The following WASF3 variants were observed in gnomAD, a reference collection of about 807,000 sequenced individuals.
WASF3 encodes the protein WASP family member 3, also known as actin-binding protein WASF3.
WASF3 carries 11 observed loss-of-function variants against 46.6 expected under a neutral mutation model. That is an observed-to-expected ratio of 0.24 (90% CI 0.15 to 0.39). WASF3 has a LOEUF of 0.39. Among genes scored for constraint, WASF3 ranks in the 10% least tolerant of loss-of-function variants. WASF3 has a pLI of 1.00. For synonymous variants in WASF3, 242 were observed against 259.7 expected, an observed-to-expected ratio of 0.93 and a Z score of 0.65; for missense variants, 576 against 669.8, an observed-to-expected ratio of 0.86 and a Z score of 1.55.
At chr13:26,546,248 G>A in the WASF3 span, among the ~76,000 whole-genome samples, 1 of 152,150 alleles carries the variant, frequency 6.6e-6, no homozygotes, top group Non-Finnish European at 1.5e-5. Flanking sequence ...AAGCAAAAAC[G>A]CTTGAAGCAA....
intron 2 of WASF3, among the ~76,000 whole-genome samples, chr13:26,627,269 CT>C (rs56996940): frequency 0.47 from 70,198 of 150,270 alleles, 17,121 homozygotes; most frequent in South Asian, 0.56. Flanking sequence ...TTATACTATA[CT>C]TTTTTTTTTA....
intron 1 of WASF3, among the ~76,000 whole-genome samples, chr13:26,608,766 T>C (rs768010896): frequency 6.6e-5 from 10 of 152,228 alleles, no homozygotes; most frequent in African/African-American, 2.4e-4. Flanking sequence ...TGTCTTGTTA[T>C]GCTAGACATA....
intron 2 of WASF3, chr13:26,638,128 C>T (rs930240673): frequency 9.2e-5 from 14 of 152,230 alleles, no homozygotes; most frequent in African/African-American, 3.4e-4. Context: ...GGGTTCTTGT[C>T]TTTAATTCAC....
chr13:26,657,272 A>T (rs951100256), intron 3 of WASF3, among the ~76,000 whole-genome samples: 1 of 152,230 alleles, frequency 6.6e-6, no homozygotes, highest in South Asian at 2.1e-4. Flanking sequence ...GTTCTAAATC[A>T]CTGCATTTTC....
At chr13:26,636,308 C>A (rs1315137112) in intron 2 of WASF3, among the ~76,000 whole-genome samples, 1 of 152,216 alleles carries the variant, frequency 6.6e-6, no homozygotes, top group Non-Finnish European at 1.5e-5. Flanking sequence ...AGGTGTGGTA[C>A]CCACCGAGCC....
At chr13:26,559,029 A>G (rs1237830478) in intron 1 of WASF3, among the ~76,000 whole-genome samples, 1 of 152,058 alleles carries the variant, frequency 6.6e-6, no homozygotes, top group Non-Finnish European at 1.5e-5. Context: ...GCTTTACCCA[A>G]CTCTCCTTTT....
intron 1 of WASF3, among the ~76,000 whole-genome samples, chr13:26,582,676 C>CAAAAAAAAAAAAA (rs398022033): frequency 1.9e-5 from 1 of 53,400 alleles, no homozygotes; most frequent in East Asian, 6.5e-4. Flanking sequence ...GACTCCGTCT[C>CAAAAAAAAAAAAA]AAAAAAAAAA....
At chr13:26,680,502 A>C (rs1033947608) in intron 7 of WASF3, among the ~76,000 whole-genome samples, 1 of 152,254 alleles carries the variant, frequency 6.6e-6, no homozygotes, top group African/African-American at 2.4e-5. Context: ...TATGGAAAGA[A>C]GGCCTTTCCA....
At chr13:26,653,687 C>T (rs989118054) in intron 3 of WASF3, among the ~76,000 whole-genome samples, 1 of 152,198 alleles carries the variant, frequency 6.6e-6, no homozygotes, top group Non-Finnish European at 1.5e-5. Flanking sequence ...CCACTTGGCT[C>T]TTCTCTGCCT....
At chr13:26,598,537 T>C (rs1430984192) in intron 1 of WASF3, among the ~76,000 whole-genome samples, 1 of 152,212 alleles carries the variant, frequency 6.6e-6, no homozygotes, top group Non-Finnish European at 1.5e-5. Flanking sequence ...AAAGGCTTGC[T>C]CTTCCTTTTG....
intron 2 of WASF3, among the ~76,000 whole-genome samples, chr13:26,628,385 T>A (rs974882460): frequency 2.6e-5 from 4 of 152,154 alleles, no homozygotes; most frequent in African/African-American, 9.7e-5. Context: ...AGTAAGAGGT[T>A]AGACACACTA....
At chr13:26,634,521 C>G (rs1244856826) in intron 2 of WASF3, among the ~76,000 whole-genome samples, 1 of 152,166 alleles carries the variant, frequency 6.6e-6, no homozygotes, top group Non-Finnish European at 1.5e-5. Context: ...CAATTTGATC[C>G]TGTCATTATG....
chr13:26,555,449 T>C (rs1879076644), upstream of WASF3, among the ~76,000 whole-genome samples: 1 of 152,108 alleles, frequency 6.6e-6, no homozygotes, highest in Admixed American at 6.5e-5. Context: ...TTTAAATACT[T>C]AGCATTTCAG....
intron 2 of WASF3, among the ~76,000 whole-genome samples, chr13:26,618,114 T>C (rs1881191367): frequency 6.6e-6 from 1 of 152,226 alleles, no homozygotes. Context: ...TAGCCATTAA[T>C]AGTGAGTTCA....
At chr13:26,610,696 C>G (rs1199921833) in intron 1 of WASF3, among the ~76,000 whole-genome samples, 1 of 152,152 alleles carries the variant, frequency 6.6e-6, no homozygotes, top group Non-Finnish European at 1.5e-5. Flanking sequence ...CACAGGAGAG[C>G]ACTGTCAGCA....
intron 4 of WASF3, 122 bp downstream of exon 4, chr13:26,665,284 T>C: frequency 4.9e-6 from 6 of 1,227,972 alleles, no homozygotes; most frequent in Non-Finnish European, 6.7e-6. Flanking sequence ...TTGTCTTTCC[T>C]AGAAGAATAG....
chr13:26,561,056 G>A (rs1879279093), intron 1 of WASF3, among the ~76,000 whole-genome samples: 1 of 152,158 alleles, frequency 6.6e-6, no homozygotes, highest in Non-Finnish European at 1.5e-5. Context: ...AACACCAGGA[G>A]TTCAGTCCAG....
intron 2 of WASF3, among the ~76,000 whole-genome samples, chr13:26,641,526 G>A (rs1265524159): frequency 6.6e-6 from 1 of 152,178 alleles, no homozygotes. Context: ...ATGGAGATAA[G>A]CCTCAAATCC....
chr13:26,570,976 T>C (rs1879615976), intron 1 of WASF3, among the ~76,000 whole-genome samples: 1 of 152,224 alleles, frequency 6.6e-6, no homozygotes, highest in Non-Finnish European at 1.5e-5. Context: ...TGTGAAGCTT[T>C]CAAATTTTTG....
Sources: gnomAD v4.1 joint callset for allele counts (sites outside exome capture counted in the v4.1 genomes callset) on GRCh38, gnomAD v4.1.1 for gene constraint, MANE v1.5 for transcripts, NCBI Gene and HGNC (gene_info 2026-07-23, HGNC 2026-07-21) for gene names.